The following WIPF3 variants were observed in gnomAD, a reference collection of about 807,000 sequenced individuals.
WIPF3 encodes the protein WAS/WASL-interacting protein family member 3.
In WIPF3, 33 loss-of-function variants were observed where a neutral mutation model predicts 38.9. That is an observed-to-expected ratio of 0.85 (90% CI 0.64 to 1.14). WIPF3 has a LOEUF of 1.14. Among genes scored for constraint, WIPF3 ranks in the 50% most tolerant of loss-of-function variants. The probability of loss-of-function intolerance (pLI) is 0.00; values close to 1 mark genes in which losing one functional copy is unlikely to be tolerated. For synonymous variants in WIPF3, 324 were observed against 269.3 expected, an observed-to-expected ratio of 1.20 and a Z score of -1.99; for missense variants, 711 against 652.5, an observed-to-expected ratio of 1.09 and a Z score of -0.98.
Position 29,888,236 on chromosome 7 carries a change from C to G in WIPF3, c.1249+19C>G. 6 of 1,593,740 alleles carry G rather than the reference C, an allele frequency of 3.8e-6. No homozygotes were observed. Among genetic ancestry groups the G allele is most frequent in the Non-Finnish European group, 5.1e-6 (6 of 1,169,798 alleles). On this transcript the variant is annotated intron_variant, in intron 6 of 8. Coordinates refer to ENST00000242140, the MANE Select transcript of WIPF3 (RefSeq NM_001080529.3). The stretch of plus-strand genomic sequence containing the variant: ...ATCATTGGTAAGTGGGTTGCACCCT[C>G]TGCCGGTTTGGCTGCCAGTAGGAAA...
chr7:29,814,009 C>A (rs1029312100), intron 1 of WIPF3, among the ~76,000 whole-genome samples: 3 of 152,048 alleles, frequency 2.0e-5, no homozygotes, highest in Non-Finnish European at 4.4e-5. Context: ...CAGCCTCGAC[C>A]ACCCAGGCAC....
chr7:29,822,088 G>A (rs1415806582), intron 1 of WIPF3, among the ~76,000 whole-genome samples: 2 of 113,986 alleles, frequency 1.8e-5, no homozygotes, highest in East Asian at 2.6e-4. Context: ...ACTTATCATC[G>A]TTCTTTTCCT....
chr7:29,880,588 A>G (rs867217115), intron 4 of WIPF3, among the ~76,000 whole-genome samples: 10 of 152,202 alleles, frequency 6.6e-5, no homozygotes, highest in South Asian at 2.1e-4. Context: ...TTCATAGAAG[A>G]TGGGAGAAAT....
At chr7:29,839,899 C>G (rs1784887064) in intron 2 of WIPF3, among the ~76,000 whole-genome samples, 1 of 152,186 alleles carries the variant, frequency 6.6e-6, no homozygotes, top group Admixed American at 6.5e-5. Context: ...ATTCTTCTCA[C>G]TAGTAGGCTT....
intron 7 of WIPF3, among the ~76,000 whole-genome samples, chr7:29,902,902 T>C (rs1786317405): frequency 6.6e-6 from 1 of 152,088 alleles, no homozygotes; most frequent in African/African-American, 2.4e-5. Flanking sequence ...GAAGGAAACA[T>C]TTCAGAATAT....
At chr7:29,821,341 C>T (rs549807046) in intron 1 of WIPF3, among the ~76,000 whole-genome samples, 10 of 152,278 alleles carry the variant, frequency 6.6e-5, no homozygotes, top group Non-Finnish European at 1.5e-4. Context: ...GTCACCCAGG[C>T]TGGAGTGCTA....
At chr7:29,912,325 G>A (rs954871268) in intron 8 of WIPF3, among the ~76,000 whole-genome samples, 1 of 152,214 alleles carries the variant, frequency 6.6e-6, no homozygotes, top group African/African-American at 2.4e-5. Flanking sequence ...TGCACTGTTG[G>A]TGAGAATGTG....
intron 4 of WIPF3, among the ~76,000 whole-genome samples, chr7:29,881,835 C>A (rs1009577178): frequency 1.1e-4 from 16 of 152,342 alleles, no homozygotes; most frequent in African/African-American, 3.6e-4. Flanking sequence ...GCACAGCATC[C>A]CTGATGCCCT....
intron 5 of WIPF3, among the ~76,000 whole-genome samples, chr7:29,887,672 C>A (rs991032766): frequency 1.8e-4 from 27 of 152,188 alleles, no homozygotes; most frequent in African/African-American, 6.3e-4. Flanking sequence ...CCTGTTCTTA[C>A]CACTCTCTAG....
At chr7:29,819,275 G>GTTTCAATTCAA (rs568483832) in intron 1 of WIPF3, among the ~76,000 whole-genome samples, 94 of 151,582 alleles carry the variant, frequency 6.2e-4, no homozygotes, top group South Asian at 3.1e-3. Context: ...TCTTCATAAT[G>GTTTCAATTCAA]GTTGTCTGTT....
chr7:29,836,002 G>T (rs1311870114), intron 2 of WIPF3, among the ~76,000 whole-genome samples: 1 of 152,202 alleles, frequency 6.6e-6, no homozygotes, highest in African/African-American at 2.4e-5. Flanking sequence ...GTCACCCCAC[G>T]TGACATTCGT....
At chr7:29,877,492 C>A (rs116160599) in intron 3 of WIPF3, among the ~76,000 whole-genome samples, 332 of 152,248 alleles carry the variant, frequency 2.2e-3, no homozygotes, top group African/African-American at 7.2e-3. Context: ...TGCTTAGTTA[C>A]CTTGAACACA....
chr7:29,906,523 C>T (rs1015405871), intron 8 of WIPF3, among the ~76,000 whole-genome samples: 2 of 151,882 alleles, frequency 1.3e-5, no homozygotes, highest in African/African-American at 4.8e-5. Context: ...GTGAACAAAG[C>T]CTAAGAGACC....
intron 2 of WIPF3, among the ~76,000 whole-genome samples, chr7:29,865,986 C>G (rs547081522): frequency 6.6e-6 from 1 of 152,286 alleles, no homozygotes; most frequent in East Asian, 1.9e-4. Context: ...TGGTGAAACC[C>G]TGTCTCTACT....
At chr7:29,829,357 CAGG>C (rs1784679988) in intron 1 of WIPF3, among the ~76,000 whole-genome samples, 1 of 151,976 alleles carries the variant, frequency 6.6e-6, no homozygotes, top group African/African-American at 2.4e-5. Flanking sequence ...GCTGGGATTA[CAGG>C]AGCCTGCCAC....
intron 7 of WIPF3, among the ~76,000 whole-genome samples, chr7:29,899,789 T>C (rs1274500106): frequency 6.6e-6 from 1 of 152,028 alleles, no homozygotes; most frequent in African/African-American, 2.4e-5. Flanking sequence ...AAAAAATGTA[T>C]ACAAAAAAGT....
At chr7:29,884,717 G>T in intron 5 of WIPF3, 124 bp downstream of exon 5, 2 of 1,372,604 alleles carry the variant, frequency 1.5e-6, no homozygotes, top group Non-Finnish European at 1.9e-6. Flanking sequence ...GAGGCAGAGA[G>T]ACTTGCCCAA....
intron 2 of WIPF3, among the ~76,000 whole-genome samples, chr7:29,843,189 A>T (rs1021988234): frequency 6.6e-6 from 1 of 152,254 alleles, no homozygotes; most frequent in Admixed American, 6.5e-5. Context: ...TGTTGGCAGC[A>T]GGTTTCCTTG....
chr7:29,836,764 A>AG (rs1360819796), intron 2 of WIPF3, among the ~76,000 whole-genome samples: 1 of 148,644 alleles, frequency 6.7e-6, no homozygotes, highest in Non-Finnish European at 1.5e-5. Flanking sequence ...CGAGGTGGGC[A>AG]GATCACCTGA....
Sources: allele counts gnomAD v4.1 joint callset (sites outside exome capture counted in the v4.1 genomes callset), GRCh38; gene constraint gnomAD v4.1.1; transcripts MANE v1.5; gene names NCBI Gene and HGNC (gene_info 2026-07-23, HGNC 2026-07-21).